The following PTPRD variants were observed in gnomAD, a reference collection of about 807,000 sequenced individuals.
PTPRD encodes the protein protein tyrosine phosphatase receptor type D.
A neutral mutation model predicts 214.5 loss-of-function variants in PTPRD; 34 were observed. That is an observed-to-expected ratio of 0.16 (90% CI 0.12 to 0.21). The LOEUF (loss-of-function observed/expected upper bound fraction) is 0.21. Among genes scored for constraint, PTPRD ranks in the 10% least tolerant of loss-of-function variants. The pLI is 1.00. For synonymous variants in PTPRD, 1,128 were observed against 845.7 expected (o/e 1.33, Z -5.79); for missense variants, 2,545 against 2,398.7 (o/e 1.06, Z -1.27).
At chr9:10,490,277 A>G (rs1217642698) in intron 2 of PTPRD, among the ~76,000 whole-genome samples, 1 of 152,230 alleles carries the variant, frequency 6.6e-6, no homozygotes, top group African/African-American at 2.4e-5. Context: ...GTGTGTGATA[A>G]TAAAGAGTAT....
chr9:8,452,758 G>C (rs938239879), intron 33 of PTPRD, among the ~76,000 whole-genome samples: 4 of 152,104 alleles, frequency 2.6e-5, no homozygotes, highest in African/African-American at 9.7e-5. Context: ...GTGGTTGTTT[G>C]GGATGTGGGT....
intron 8 of PTPRD, among the ~76,000 whole-genome samples, chr9:9,499,549 CATT>C (rs898496186): frequency 5.9e-5 from 9 of 152,006 alleles, no homozygotes; most frequent in Non-Finnish European, 1.0e-4. Flanking sequence ...AAAATTAAGA[CATT>C]ATTTTTGCTG....
chr9:8,756,848 T>C (rs576634691), intron 11 of PTPRD, among the ~76,000 whole-genome samples: 5 of 152,142 alleles, frequency 3.3e-5, no homozygotes, highest in Non-Finnish European at 7.4e-5. Flanking sequence ...CTCCAAAGAA[T>C]CTATAAACCA....
intron 3 of PTPRD, among the ~76,000 whole-genome samples, chr9:10,058,770 CTA>C (rs1274177782): frequency 2.0e-5 from 3 of 152,062 alleles, no homozygotes; most frequent in Admixed American, 1.3e-4. Context: ...GTCACAGCAC[CTA>C]TATTTCCCAG....
intron 10 of PTPRD, among the ~76,000 whole-genome samples, chr9:9,120,792 C>T (rs1244543325): frequency 6.6e-6 from 1 of 152,114 alleles, no homozygotes; most frequent in African/African-American, 2.4e-5. Context: ...GCCAGATTTT[C>T]CAAGGATCAT....
At chr9:8,652,303 G>C (rs2096828666) in intron 12 of PTPRD, among the ~76,000 whole-genome samples, 1 of 152,108 alleles carries the variant, frequency 6.6e-6, no homozygotes, top group South Asian at 2.1e-4. Flanking sequence ...ACTATTGCAG[G>C]CAACATCATA....
Position 8,542,073 on chromosome 9 carries a change from T to C in PTPRD, c.353-13294A>G, listed in dbSNP as rs1430380973. On this transcript the variant is annotated intron_variant, in intron 14 of 45. Transcript: ENST00000381196. ...CTAAAACCTTGACCTTCTTCTTCAA[T>C]AGATTAAACACAGCAAATTAGAAAA... 2.6e-5 allele frequency among the ~76,000 whole-genome samples: 4 copies of C among 151,988 alleles called. No homozygotes were observed. In the East Asian group the frequency reaches 5.8e-4, roughly 22 times the overall value.
intron 11 of PTPRD, among the ~76,000 whole-genome samples, chr9:8,938,606 A>T (rs2099012697): frequency 6.6e-6 from 1 of 152,030 alleles, no homozygotes; most frequent in Non-Finnish European, 1.5e-5. Context: ...GTAAAATGCC[A>T]CTGTTCAATC....
intron 8 of PTPRD, among the ~76,000 whole-genome samples, chr9:9,477,649 T>A (rs142734527): frequency 2.0e-5 from 3 of 152,296 alleles, no homozygotes; most frequent in East Asian, 3.9e-4. Context: ...AGAACTGATA[T>A]CCGTGCAAGG....
intron 3 of PTPRD, among the ~76,000 whole-genome samples, chr9:10,227,802 G>C (rs1442401741): frequency 6.6e-6 from 1 of 152,008 alleles, no homozygotes; most frequent in African/African-American, 2.4e-5. Flanking sequence ...ATGAATGAGA[G>C]AGTGAATGAG....
intron 12 of PTPRD, among the ~76,000 whole-genome samples, chr9:8,665,701 T>C (rs1238954028): frequency 1.3e-5 from 2 of 152,206 alleles, no homozygotes; most frequent in East Asian, 3.8e-4. Context: ...ACCCCACTTT[T>C]ATTTCTCTTC....
chr9:8,713,619 G>A (rs1353842410), intron 12 of PTPRD: 26 of 1,533,010 alleles, frequency 1.7e-5, no homozygotes, highest in Non-Finnish European at 2.1e-5. Flanking sequence ...TGACCACCGC[G>A]GGCGCTGTCA....
chr9:9,268,351 AAG>A (rs138313994), intron 9 of PTPRD, among the ~76,000 whole-genome samples: 17,844 of 151,146 alleles, frequency 0.12, 1,054 homozygotes, highest in Middle Eastern at 0.25. Flanking sequence ...ACATCGATGA[AAG>A]AAATGGAAAA....
At chr9:8,580,165 C>T (rs2092919091) in intron 14 of PTPRD, among the ~76,000 whole-genome samples, 1 of 152,022 alleles carries the variant, frequency 6.6e-6, no homozygotes, top group Admixed American at 6.6e-5. Flanking sequence ...AAAGTGTTAT[C>T]AGTAGCAGTA....
At position 10,299,876 on chromosome 9, in the gene PTPRD, T is replaced by C. The variant is rs566665485; in HGVS notation, c.-545+41087A>G. On this transcript the variant is annotated intron_variant, in intron 3 of 45. Transcript: ENST00000381196. ...TGCTTTTTCCCATTAAATATATTAATGCATAAAGTAACTCACAATCAAATA... is the reference window on the plus strand; with the variant it reads ...TGCTTTTTCCCATTAAATATATTAACGCATAAAGTAACTCACAATCAAATA... Among the ~76,000 whole-genome samples, 27 of 152,338 alleles carry C rather than the reference T, an allele frequency of 1.8e-4. No individual in the cohort carries two copies. In the South Asian group the frequency reaches 5.2e-3, roughly 29 times the overall value.
At chr9:9,168,805 C>A (rs908085970) in intron 10 of PTPRD, among the ~76,000 whole-genome samples, 2 of 151,848 alleles carry the variant, frequency 1.3e-5, no homozygotes, top group African/African-American at 2.4e-5. Flanking sequence ...TTATTTGTTA[C>A]GGGTACATTT....
intron 7 of PTPRD, among the ~76,000 whole-genome samples, chr9:9,667,342 C>A (rs2096743101): frequency 6.6e-6 from 1 of 152,042 alleles, no homozygotes; most frequent in Non-Finnish European, 1.5e-5. Context: ...TCCTCACTTT[C>A]CAACTAGATG....
At chr9:8,679,031 G>T (rs2097496452) in intron 12 of PTPRD, among the ~76,000 whole-genome samples, 1 of 152,188 alleles carries the variant, frequency 6.6e-6, no homozygotes, top group Admixed American at 6.5e-5. Context: ...GAGTTAAACA[G>T]ATGACCCTGT....
chr9:8,321,461 T>TTGTG lies in PTPRD; in HGVS notation c.5535-1499_5535-1496dup, dbSNP rs4008233. On this transcript the variant is annotated intron_variant, in intron 44 of 45. Transcript: ENST00000381196. ...AAGAGGAAATATATAGAAGTCTTCTTTGTGTGTGTGTGTGTGTGTGTGTGT... is the reference window on the plus strand; with the variant it reads ...AAGAGGAAATATATAGAAGTCTTCTTTGTGTGTGTGTGTGTGTGTGTGTGTGTGT... Among the ~76,000 whole-genome samples, 289 of 86,512 alleles carry TTGTG rather than the reference T, an allele frequency of 3.3e-3. 1 individual carries two copies. Among genetic ancestry groups the TTGTG allele is most frequent in the Non-Finnish European group, 4.7e-3 (222 of 47,484 alleles). The allele number at this position is 86,512 out of a possible 152,430, so 56.8% of individuals were successfully genotyped here.
Sources: allele counts gnomAD v4.1 joint callset (sites outside exome capture counted in the v4.1 genomes callset), GRCh38; gene constraint gnomAD v4.1.1; transcripts MANE v1.5; gene names NCBI Gene and HGNC (gene_info 2026-07-23, HGNC 2026-07-21).